The following TBC1D3 variants were observed in gnomAD, a reference collection of about 807,000 sequenced individuals.
The protein encoded by TBC1D3 is Rab GTPase-activating protein PRC17.
At chr17:38,191,916 G>C (rs1384574191) in intron 1 of TBC1D3, among the ~76,000 whole-genome samples, 179 of 32,852 alleles carry the variant, frequency 5.4e-3, no homozygotes, top group Admixed American at 0.012. Context: ...ATTTTCCACA[G>C]CTGCCCAAGG....
chr17:38,183,823 T>TG (rs1438268008), intron 12 of TBC1D3, 147 bp from the exon 13 acceptor site: 1 of 370,930 alleles, frequency 2.7e-6, no homozygotes, highest in South Asian at 2.6e-5. Context: ...AGACTGTGGC[T>TG]GGGGGGCGAT....
chr17:38,187,232 TC>T (rs1408402131), intron 7 of TBC1D3, among the ~76,000 whole-genome samples: 1 of 60,388 alleles, frequency 1.7e-5, no homozygotes, highest in Non-Finnish European at 3.0e-5. Context: ...TTGAAGGCCG[TC>T]CCCGAAGGCT....
intron 1 of TBC1D3, among the ~76,000 whole-genome samples, chr17:38,192,057 C>T (rs1338544600): frequency 1.5e-5 from 1 of 66,656 alleles, no homozygotes; most frequent in African/African-American, 2.9e-5. Context: ...CTGCCAGGAC[C>T]AGGCTCTGCC....
At chr17:38,186,622 ATGT>A (rs2036227057) in intron 7 of TBC1D3, 42 bp from the exon 8 acceptor site, 1 of 21,108 alleles carries the variant, frequency 4.7e-5, no homozygotes, top group African/African-American at 2.1e-4. Flanking sequence ...TTTTGTGCAG[ATGT>A]TGTTAATTTC....
At chr17:38,191,978 C>G (rs1467831625) in intron 1 of TBC1D3, among the ~76,000 whole-genome samples, 3 of 59,986 alleles carry the variant, frequency 5.0e-5, no homozygotes, top group African/African-American at 9.3e-5. Flanking sequence ...GGGCCCACAG[C>G]GACCATCAGG....
At chr17:38,191,777 G>A (rs1456385084) in intron 1 of TBC1D3, among the ~76,000 whole-genome samples, 2 of 22,018 alleles carry the variant, frequency 9.1e-5, no homozygotes, top group African/African-American at 1.2e-4. Flanking sequence ...AATACTCGAG[G>A]CAAAAGGAGG....
intron 1 of TBC1D3, among the ~76,000 whole-genome samples, chr17:38,192,198 C>G (rs2036243341): frequency 2.6e-4 from 7 of 26,820 alleles, no homozygotes; most frequent in Admixed American, 7.3e-4. Flanking sequence ...ATTCCCAGGC[C>G]GGTTACTGCC....
chr17:38,191,685 A>C (rs1863174810), intron 1 of TBC1D3, among the ~76,000 whole-genome samples: 1 of 8,904 alleles, frequency 1.1e-4, no homozygotes, highest in African/African-American at 1.3e-4. Flanking sequence ...CAACAGGAGG[A>C]GGCTTCATTT....
chr17:38,191,686 G>A (rs1244760462), intron 1 of TBC1D3, among the ~76,000 whole-genome samples: 5 of 9,366 alleles, frequency 5.3e-4, no homozygotes, highest in African/African-American at 6.4e-4. Context: ...AACAGGAGGA[G>A]GCTTCATTTT....
At chr17:38,192,071 T>A (rs1464702365) in intron 1 of TBC1D3, among the ~76,000 whole-genome samples, 1 of 65,308 alleles carries the variant, frequency 1.5e-5, no homozygotes, top group Non-Finnish European at 6.1e-5. Context: ...CTCTGCCCCA[T>A]CGGGATGGGA....
chr17:38,191,891 C>T (rs1225025045), intron 1 of TBC1D3, among the ~76,000 whole-genome samples: 4 of 27,982 alleles, frequency 1.4e-4, no homozygotes, highest in Admixed American at 1.3e-3. Flanking sequence ...TCAGCCAGCC[C>T]TCCAGGGCTC....
At chr17:38,186,861 T>C (rs2144070199) in intron 7 of TBC1D3, among the ~76,000 whole-genome samples, 1 of 21,068 alleles carries the variant, frequency 4.7e-5, no homozygotes, top group African/African-American at 1.1e-4. Flanking sequence ...AGTCTGTGGG[T>C]GTACAGTTCC....
chr17:38,186,843 G>T (rs2036228377), intron 7 of TBC1D3, among the ~76,000 whole-genome samples: 1 of 20,592 alleles, frequency 4.9e-5, no homozygotes, highest in African/African-American at 1.1e-4. Flanking sequence ...TTGCATACAC[G>T]CCAGTTCAGT....
intron 1 of TBC1D3, among the ~76,000 whole-genome samples, chr17:38,191,939 C>T (rs2036241633): frequency 2.1e-5 from 1 of 46,662 alleles, no homozygotes; most frequent in African/African-American, 3.6e-5. Context: ...AGCAGGCTCC[C>T]CCGGACAAGG....
rs1405734538 is a variant in TBC1D3 at position 38,187,004 on chromosome 17, C to T, written c.498-424G>A. 7.5e-4 allele frequency among the ~76,000 whole-genome samples: 17 copies of T among 22,716 alleles called. 8 individuals carry two copies. Among genetic ancestry groups the T allele is most frequent in the Admixed American group, 3.3e-3 (5 of 1,534 alleles). The allele number at this position is 22,716 out of a possible 152,430, so 14.9% of individuals were successfully genotyped here. A position where few individuals can be genotyped will look rare whatever the true frequency, so the allele number is the denominator to read the frequency against. On this transcript the variant is annotated intron_variant, in intron 7 of 13. Coordinates refer to ENST00000620215, the MANE Select transcript of TBC1D3 (RefSeq NM_001123391.4). Reference sequence around the variant, plus strand: ...CTCTCCCCGATCCGTCAGCCTCTGGCCACCCAGACTGCTTCTCAGTCCCTG... The same window carrying T: ...CTCTCCCCGATCCGTCAGCCTCTGGTCACCCAGACTGCTTCTCAGTCCCTG...
intron 1 of TBC1D3, 89 bp downstream of exon 1, chr17:38,192,356 C>T (rs1306099149): frequency 5.3e-3 from 139 of 26,054 alleles, no homozygotes; most frequent in African/African-American, 7.4e-3. Context: ...TGACCCTCCT[C>T]GGTAGCTGCC....
At chr17:38,183,869 CAT>C (rs2036218013) in intron 12 of TBC1D3, among the ~76,000 whole-genome samples, 176 bp downstream of exon 12, 2 of 4,716 alleles carry the variant, frequency 4.2e-4, no homozygotes, top group African/African-American at 6.3e-4. Context: ...TCTCGACTTT[CAT>C]CTGGGTCATG....
intron 1 of TBC1D3, among the ~76,000 whole-genome samples, chr17:38,191,590 T>G (rs2036239619): frequency 2.6e-3 from 1 of 384 alleles, no homozygotes; most frequent in African/African-American, 3.1e-3. Flanking sequence ...GGGTGTTGGG[T>G]TTGGGGGATG....
chr17:38,185,217 G>GT lies in TBC1D3; in HGVS notation c.668-64dup, dbSNP rs2036222390. 1.3e-5 allele frequency: 2 copies of GT among 156,004 alleles called. 1 individual carries two copies. Among genetic ancestry groups the GT allele is most frequent in the Non-Finnish European group, 1.7e-5 (2 of 115,376 alleles). The allele number at this position is 156,004 out of a possible 1,614,324, so 9.7% of individuals were successfully genotyped here. ...CCCCCAAGATGTGGAGCCATCAGCTGTAAGAGCTGGGCAGCTGGAGAGGCC... is the reference window on the plus strand; with the variant it reads ...CCCCCAAGATGTGGAGCCATCAGCTGTTAAGAGCTGGGCAGCTGGAGAGGCC... On this transcript the variant is annotated intron_variant, in intron 9 of 13. Coordinates refer to ENST00000620215, the MANE Select transcript of TBC1D3 (RefSeq NM_001123391.4).
Sources: gnomAD v4.1 joint callset for allele counts (sites outside exome capture counted in the v4.1 genomes callset) on GRCh38, gnomAD v4.1.1 for gene constraint, MANE v1.5 for transcripts, NCBI Gene and HGNC (gene_info 2026-07-23, HGNC 2026-07-21) for gene names.